Variants in TMEM38B observed in about 807,000 individuals in gnomAD.
TMEM38B encodes transmembrane protein 38B.
Under a neutral mutation model 28.7 loss-of-function variants are expected in TMEM38B, and 24 were observed. The observed-to-expected ratio is 0.84, with a 90% confidence interval of 0.61 to 1.18. The LOEUF (loss-of-function observed/expected upper bound fraction) is 1.18, where lower values mean the gene tolerates loss of function less well. Ranked by LOEUF, TMEM38B falls within the 50% of genes most tolerant of loss-of-function variation. The pLI is 0.00. For missense variants in TMEM38B, 380 were observed against 350.9 expected (o/e 1.08, Z -0.66); for synonymous variants, 131 against 127.7 (o/e 1.03, Z -0.17).
intron 4 of TMEM38B, among the ~76,000 whole-genome samples, chr9:105,742,383 C>A (rs1414079220): frequency 6.6e-6 from 1 of 152,142 alleles, no homozygotes; most frequent in African/African-American, 2.4e-5. Context: ...ATGGAATTTG[C>A]CCTTCTGGAT....
chr9:105,705,993 T>C (rs1210757378), intron 2 of TMEM38B, among the ~76,000 whole-genome samples: 1 of 151,210 alleles, frequency 6.6e-6, no homozygotes, highest in Non-Finnish European at 1.5e-5. Flanking sequence ...CTCCACCTCC[T>C]GGGTTCAAGT....
At chr9:105,733,040 G>A (rs530853315) in intron 4 of TMEM38B, among the ~76,000 whole-genome samples, 10 of 152,066 alleles carry the variant, frequency 6.6e-5, no homozygotes, top group African/African-American at 1.2e-4. Flanking sequence ...GTAGTTGTGC[G>A]GTTTTGAGTG....
rs1159707316 is a variant in TMEM38B at position 105,771,386 on chromosome 9, TACTTCTCA to T, written c.661-2475_661-2468del. On this transcript the variant is annotated intron_variant, in intron 5 of 5. Transcript: ENST00000374692. ...CAGCTGTAATTTCTGATGCCAGCAA[TACTTCTCA>T]ACTGAGTGATGAGTCTTTTGGGAGT... Among the ~76,000 whole-genome samples the T allele has an allele frequency of 9.2e-5, 14 of 152,362 alleles. No homozygotes were observed. The South Asian group carries it at 2.5e-3, about 27-fold the overall frequency.
At position 105,707,213 on chromosome 9, in the gene TMEM38B, A is replaced by G. The variant is rs557945081; in HGVS notation, c.269+1460A>G. 3.9e-5 allele frequency among the ~76,000 whole-genome samples: 6 copies of G among 152,320 alleles called. No individual in the cohort carries two copies. In the South Asian group the frequency reaches 6.2e-4, roughly 16 times the overall value. On this transcript the variant is annotated intron_variant, in intron 2 of 5. Transcript: ENST00000374692. ...AAAATCATGTATGTGACCAACTGAA[A>G]CTAACCAAAAAGTCCAAATAATTAT... is the stretch of plus-strand genomic sequence containing the variant.
At chr9:105,719,919 A>G (rs1212362859) in intron 2 of TMEM38B, among the ~76,000 whole-genome samples, 1 of 152,078 alleles carries the variant, frequency 6.6e-6, no homozygotes, top group African/African-American at 2.4e-5. Flanking sequence ...ATAAAAATAC[A>G]TTTAAAAATT....
chr9:105,768,761 T>C (rs1031954544), intron 5 of TMEM38B, among the ~76,000 whole-genome samples: 3 of 152,200 alleles, frequency 2.0e-5, no homozygotes, highest in Non-Finnish European at 4.4e-5. Context: ...CTTTCATTCC[T>C]GATATTGGTG....
intron 4 of TMEM38B, among the ~76,000 whole-genome samples, chr9:105,742,202 A>AAAAAGAAAGG (rs1489005878): frequency 6.6e-6 from 1 of 152,206 alleles, no homozygotes; most frequent in Non-Finnish European, 1.5e-5. Context: ...CATATGCTTG[A>AAAAAGAAAGG]AAAAGAAAGG....
At chr9:105,706,074 A>G (rs1472463919) in intron 2 of TMEM38B, among the ~76,000 whole-genome samples, 2 of 151,766 alleles carry the variant, frequency 1.3e-5, no homozygotes, top group Non-Finnish European at 2.9e-5. Flanking sequence ...TAATTTTTGT[A>G]TTTTTGTAGA....
intron 2 of TMEM38B, chr9:105,710,715 C>G: frequency 1.6e-6 from 1 of 641,410 alleles, no homozygotes; most frequent in East Asian, 3.6e-5. Context: ...AATCTTCAGA[C>G]CTGGTGTCGT....
At chr9:105,760,627 T>C in intron 5 of TMEM38B, 3 of 794,438 alleles carry the variant, frequency 3.8e-6, no homozygotes, top group Non-Finnish European at 6.8e-6. Flanking sequence ...TCAGAAGGAA[T>C]ACCCCTTGAT....
chr9:105,758,655 C>T, intron 5 of TMEM38B: 1 of 786,516 alleles, frequency 1.3e-6, no homozygotes, highest in Admixed American at 1.9e-5. Flanking sequence ...TGCAACTTAG[C>T]CATTTAAAAC....
chr9:105,711,105 A>C (rs923784932), intron 2 of TMEM38B, among the ~76,000 whole-genome samples: 1 of 152,214 alleles, frequency 6.6e-6, no homozygotes, highest in Non-Finnish European at 1.5e-5. Context: ...TCCATCATTT[A>C]GATTAGGAAA....
chr9:105,716,040 T>C (rs1180253531), intron 2 of TMEM38B, among the ~76,000 whole-genome samples: 1 of 152,228 alleles, frequency 6.6e-6, no homozygotes, highest in African/African-American at 2.4e-5. Flanking sequence ...CCTGCTTTTG[T>C]TTTTATGTAG....
intron 5 of TMEM38B, among the ~76,000 whole-genome samples, chr9:105,765,269 T>A (rs1047700217): frequency 6.6e-6 from 1 of 152,232 alleles, no homozygotes; most frequent in Non-Finnish European, 1.5e-5. Flanking sequence ...GCATTTAATA[T>A]TTATTGACGA....
chr9:105,732,690 C>T (rs1836800809), intron 4 of TMEM38B, among the ~76,000 whole-genome samples: 1 of 152,106 alleles, frequency 6.6e-6, no homozygotes, highest in Non-Finnish European at 1.5e-5. Flanking sequence ...GTACCAGTAC[C>T]ATGCTATTTT....
intron 5 of TMEM38B, chr9:105,759,103 G>C (rs1206653906): frequency 1.3e-6 from 1 of 786,922 alleles, no homozygotes; most frequent in East Asian, 2.4e-5. Context: ...TGGCCAAGAA[G>C]TGATGATACG....
chr9:105,721,709 G>A lies in TMEM38B; in HGVS notation c.442G>A (p.Gly148Arg). 6.2e-7 allele frequency: 1 copy of A among 1,611,444 alleles called. No individual in the cohort carries two copies. Among genetic ancestry groups the A allele is most frequent in the Non-Finnish European group, 8.5e-7 (1 of 1,178,530 alleles). ...TGGCTGGATAGTCATGATAGCTATT[G>A]GATGGGCCCGAGGTAATATTGACAA... ...KNGWIVMIAI[G>R]WARGAGGTII... Residue 148 changes from glycine to arginine, a missense_variant, in exon 3 of 6, where the codon GGA becomes AGA. Coordinates refer to ENST00000374692, the MANE Select transcript of TMEM38B (RefSeq NM_018112.3).
At chr9:105,694,810 G>T in intron 1 of TMEM38B, 38 bp downstream of exon 1, 1 of 1,183,366 alleles carries the variant, frequency 8.5e-7, no homozygotes, top group Non-Finnish European at 1.2e-6. Flanking sequence ...CCCTCAGAGT[G>T]CTCCTGACGG....
chr9:105,766,741 G>GT lies in TMEM38B; in HGVS notation c.661-7115dup, dbSNP rs565022485. Among the ~76,000 whole-genome samples, 1,385 of 148,726 alleles carry GT rather than the reference G, an allele frequency of 9.3e-3. 13 individuals are homozygous for GT. The highest frequency in any genetic ancestry group is 7.1e-3 in the Middle Eastern group (2 of 282). On this transcript the variant is annotated intron_variant, in intron 5 of 5. Coordinates refer to ENST00000374692, the MANE Select transcript of TMEM38B (RefSeq NM_018112.3). ...TTTTATAATTTTTGCTTTTTTTTCT[G>GT]TTTTTTTTTATTATTATACTTTAAG...
Sources: allele counts gnomAD v4.1 joint callset (sites outside exome capture counted in the v4.1 genomes callset), GRCh38; gene constraint gnomAD v4.1.1; transcripts MANE v1.5; gene names NCBI Gene and HGNC (gene_info 2026-07-23, HGNC 2026-07-21).